The following CD8A variants were observed in gnomAD, a reference collection of about 807,000 sequenced individuals.
The protein encoded by CD8A is CD8 subunit alpha.
Under a neutral mutation model 24.2 loss-of-function variants are expected in CD8A, and 25 were observed. The observed-to-expected ratio is 1.03, with a 90% CI of 0.75 to 1.44. The LOEUF (loss-of-function observed/expected upper bound fraction) is 1.44. CD8A is among the 40% of genes most tolerant of loss of function. The pLI is 0.00. For synonymous variants in CD8A, 165 were observed against 149.9 expected (o/e 1.10, Z -0.74); for missense variants, 360 against 319.7 (o/e 1.13, Z -0.96).
At chr2:86,805,085 G>A (rs1028351991) in intron 2 of CD8A, among the ~76,000 whole-genome samples, 2 of 151,790 alleles carry the variant, frequency 1.3e-5, no homozygotes, top group African/African-American at 2.4e-5. Flanking sequence ...TTACAGGCAT[G>A]AGCCACCACA....
At chr2:86,805,779 C>T (rs1369285019) in intron 2 of CD8A, among the ~76,000 whole-genome samples, 1 of 152,182 alleles carries the variant, frequency 6.6e-6, no homozygotes, top group Non-Finnish European at 1.5e-5. Context: ...CTAATTCCAA[C>T]AACCAAATGA....
chr2:86,788,641 CTGTTGTTGT>C, intron 4 of CD8A, 81 bp from the exon 5 acceptor site: 1 of 1,327,744 alleles, frequency 7.5e-7, no homozygotes, highest in Non-Finnish European at 1.1e-6. Context: ...TTTGTTGTTG[CTGTTGTTGT>C]TGCTGCTGTT....
chr2:86,789,453 C>A lies in CD8A; in HGVS notation c.515-20G>T. On this transcript the variant is annotated intron_variant, in intron 3 of 5. Transcript: ENST00000283635. ...TGTGCACTGACGACACCAAAGACGC[C>A]GACATTTAGGAGAGGGCCCGGGACC... 2 of 1,581,128 alleles carry A rather than the reference C, an allele frequency of 1.3e-6. No individual in the cohort carries two copies.
intron 3 of CD8A, among the ~76,000 whole-genome samples, chr2:86,796,043 TGAA>T (rs1172837024): frequency 6.6e-6 from 1 of 152,086 alleles, no homozygotes; most frequent in Non-Finnish European, 1.5e-5. Context: ...GAAGAACAGT[TGAA>T]GATGATAAAT....
chr2:86,790,176 A>G lies in CD8A; in HGVS notation c.403+152T>C, dbSNP rs1365809432. The G allele has an allele frequency of 7.2e-6, 5 of 689,726 alleles. No homozygotes were observed. The East Asian group carries it at 1.4e-4, about 19-fold the overall frequency. 42.7% of individuals were successfully genotyped at this position (689,726 alleles called of 1,614,324 possible). On this transcript the variant is annotated intron_variant, in intron 2 of 5. Transcript: ENST00000283635. ...CCCAGTCCCTACTCAGCCTCGCGTT[A>G]GCCTCAGTTTGCTGTGTCTGTGAAA...
At chr2:86,792,499 A>AT (rs10673776), upstream of CD8A, among the ~76,000 whole-genome samples, 445 of 147,798 alleles carry the variant, frequency 3.0e-3, 4 homozygotes, top group South Asian at 2.8e-3. Context: ...CGTTGTTGCT[A>AT]TTTTTTTTTT....
chr2:86,794,817 G>A (rs991690375), upstream of CD8A, among the ~76,000 whole-genome samples: 2 of 152,192 alleles, frequency 1.3e-5, no homozygotes, highest in African/African-American at 2.4e-5. Flanking sequence ...CTGTCCTCTT[G>A]TCTGTCACCT....
intron 4 of CD8A, 37 bp downstream of exon 4, chr2:86,789,286 G>A: frequency 7.4e-7 from 1 of 1,356,492 alleles, no homozygotes; most frequent in South Asian, 1.2e-5. Context: ...GCAGGAGCGG[G>A]GCCGACTCCT....
intron 3 of CD8A, among the ~76,000 whole-genome samples, chr2:86,800,337 C>G (rs1480801800): frequency 6.6e-6 from 1 of 151,154 alleles, no homozygotes; most frequent in Non-Finnish European, 1.5e-5. Context: ...TGGCAAGCGC[C>G]TGTAATCCCA....
chr2:86,789,142 G>T (rs1673152525), intron 4 of CD8A, among the ~76,000 whole-genome samples, 181 bp downstream of exon 4: 1 of 152,182 alleles, frequency 6.6e-6, no homozygotes, highest in Non-Finnish European at 1.5e-5. Flanking sequence ...AGAGCGCAAG[G>T]AGCGGGAAGG....
chr2:86,789,016 C>A (rs953032323), intron 4 of CD8A, among the ~76,000 whole-genome samples: 1 of 152,234 alleles, frequency 6.6e-6, no homozygotes, highest in Non-Finnish European at 1.5e-5. Context: ...CGGCCCCCTC[C>A]CGGCGGGCGT....
chr2:86,790,200 A>T, intron 2 of CD8A, 128 bp downstream of exon 2: 1 of 748,440 alleles, frequency 1.3e-6, no homozygotes, highest in Non-Finnish European at 2.4e-6. Flanking sequence ...GTGTCTGTGA[A>T]ATGGGAACAG....
chr2:86,791,079 C>T, upstream of CD8A: 1 of 696,778 alleles, frequency 1.4e-6, no homozygotes, highest in South Asian at 1.5e-5. Context: ...GGCCAGGCAA[C>T]TGGGGGCAGC....
intron 5 of CD8A, among the ~76,000 whole-genome samples, chr2:86,787,036 A>AAAAAAAAAAAAAAAAAAG (rs1375316030): frequency 1.4e-5 from 2 of 141,080 alleles, no homozygotes; most frequent in African/African-American, 2.6e-5. Context: ...AAAAAAAAAA[A>AAAAAAAAAAAAAAAAAAG]AAAAGAAAAG....
intron 3 of CD8A, among the ~76,000 whole-genome samples, chr2:86,800,818 A>G (rs115958977): frequency 8.5e-4 from 130 of 152,330 alleles, no homozygotes; most frequent in African/African-American, 3.1e-3. Flanking sequence ...TTGAAGTCTT[A>G]TACTCTAGCA....
upstream of CD8A, among the ~76,000 whole-genome samples, chr2:86,794,849 G>A (rs114478957): frequency 4.6e-3 from 693 of 152,112 alleles, 6 homozygotes; most frequent in African/African-American, 0.015. Flanking sequence ...CCTAGGTTCC[G>A]CATCTCTCAT....
Position 86,785,799 on chromosome 2 carries a change from A to G in CD8A, c.*121T>C, listed in dbSNP as rs1450599189. ...TAATCTTTCCCACCCCGCCCCCACT[A>G]AAATAATAATCATGAGAATGAATAC... On this transcript the variant is annotated 3_prime_UTR_variant, in exon 6 of 6. Coordinates refer to ENST00000283635, the MANE Select transcript of CD8A (RefSeq NM_001768.7). 1.2e-6 allele frequency: 1 copy of G among 841,198 alleles called. No homozygotes were observed. The highest frequency in any genetic ancestry group is 2.4e-5 in the East Asian group (1 of 41,488). The allele number at this position is 841,198 out of a possible 1,614,324, so 52.1% of individuals were successfully genotyped here.
intron 2 of CD8A, among the ~76,000 whole-genome samples, chr2:86,805,702 A>G (rs1673826101): frequency 6.6e-6 from 1 of 152,118 alleles, no homozygotes; most frequent in Admixed American, 6.6e-5. Context: ...CATAACTCAC[A>G]TCACTTAAAA....
upstream of CD8A, chr2:86,791,597 T>C (rs1454656624): frequency 2.2e-6 from 1 of 454,198 alleles, no homozygotes; most frequent in South Asian, 1.6e-5. Flanking sequence ...GCCACGTTGT[T>C]ATAAAAATTA....
Sources: allele counts gnomAD v4.1 joint callset (sites outside exome capture counted in the v4.1 genomes callset), GRCh38; gene constraint gnomAD v4.1.1; transcripts MANE v1.5; gene names NCBI Gene and HGNC (gene_info 2026-07-23, HGNC 2026-07-21).